The following GABBR2 variants were observed in gnomAD, a reference collection of about 807,000 sequenced individuals.
The protein encoded by GABBR2 is G-protein coupled receptor 51.
A neutral mutation model predicts 105.6 loss-of-function variants in GABBR2; 23 were observed. The ratio of observed to expected loss-of-function variants is 0.22; its 90% CI spans 0.16 to 0.31. The LOEUF is 0.31. Among genes scored for constraint, GABBR2 ranks in the 10% least tolerant of loss-of-function variants. GABBR2 has a pLI of 1.00. For missense variants in GABBR2, 734 were observed against 1,245.5 expected, an observed-to-expected ratio of 0.59 and a Z score of 6.18; for synonymous variants, 478 against 499.7, an observed-to-expected ratio of 0.96 and a Z score of 0.58.
chr9:98,403,757 ATAT>A (rs1317610340), intron 8 of GABBR2, among the ~76,000 whole-genome samples: 2,151 of 129,282 alleles, frequency 0.017, 24 homozygotes, highest in African/African-American at 0.028. Flanking sequence ...AAAAAAAAAA[ATAT>A]ATATATATAT....
At chr9:98,648,120 G>GTGTGTGTGTGTGT (rs1564140811) in intron 1 of GABBR2, among the ~76,000 whole-genome samples, 52 of 39,892 alleles carry the variant, frequency 1.3e-3, no homozygotes, top group Non-Finnish European at 1.9e-3. Flanking sequence ...TGTGTGTATA[G>GTGTGTGTGTGTGT]ATAGATAGAT....
Position 98,362,837 on chromosome 9 carries a change from T to C in GABBR2, c.1771A>G (p.Ile591Val). Residue 591 changes from isoleucine (I) to valine (V), a missense_variant and splice_region_variant, in exon 13 of 19, where the codon ATC (isoleucine) becomes GTC (valine). Transcript: ENST00000259455. The part of the protein sequence containing the change: ...IFKNVKMKKK[I>V]IKDQKLLVIV... ...ACAAGCAGTTTCTGGTCCTTGATGA[T>C]CTACAGAGCGGGAAGGAGCAGAGGG... The C allele has an allele frequency of 1.9e-6, 3 of 1,578,030 alleles. No homozygotes were observed. Among genetic ancestry groups the C allele is most frequent in the Non-Finnish European group, 2.6e-6 (3 of 1,163,620 alleles).
At chr9:98,476,592 A>C (rs1472049475) in intron 5 of GABBR2, among the ~76,000 whole-genome samples, 2 of 152,194 alleles carry the variant, frequency 1.3e-5, no homozygotes, top group Non-Finnish European at 2.9e-5. Context: ...GAAACATTTT[A>C]GCTGCCCCTT....
intron 1 of GABBR2, among the ~76,000 whole-genome samples, chr9:98,647,744 C>A (rs1428898115): frequency 2.0e-5 from 3 of 152,186 alleles, no homozygotes; most frequent in Non-Finnish European, 4.4e-5. Context: ...GTAATAAGCT[C>A]TCTGATCCCA....
chr9:98,403,911 G>A (rs941579231), intron 8 of GABBR2, among the ~76,000 whole-genome samples: 7 of 152,108 alleles, frequency 4.6e-5, no homozygotes, highest in East Asian at 1.9e-4. Context: ...AGGCGAAGTC[G>A]CTTGCCTGAA....
chr9:98,603,636 C>A (rs916253971), intron 1 of GABBR2, among the ~76,000 whole-genome samples: 1 of 152,190 alleles, frequency 6.6e-6, no homozygotes, highest in Admixed American at 6.5e-5. Flanking sequence ...TCAGGCTCCA[C>A]CAGTGCACTA....
chr9:98,453,134 C>A (rs1826261729), intron 7 of GABBR2, among the ~76,000 whole-genome samples: 1 of 152,214 alleles, frequency 6.6e-6, no homozygotes, highest in Non-Finnish European at 1.5e-5. Flanking sequence ...TCAAGCGATT[C>A]TCCTGCCTCA....
In GABBR2 at chr9:98,645,968, A is replaced by G. The variant is rs568001205; in HGVS notation, c.321+62449T>C. On this transcript the variant is annotated intron_variant, in intron 1 of 18. Coordinates refer to ENST00000259455, the MANE Select transcript of GABBR2 (RefSeq NM_005458.8). ...ACAAAGTGTAAATAACTTGCCCACA[A>G]TTACCTAGCAAACAGCAGGCCAGGA... Among the ~76,000 whole-genome samples, 12 of 152,360 alleles carry G rather than the reference A, an allele frequency of 7.9e-5. No homozygotes were observed. In the South Asian group the frequency reaches 2.5e-3, roughly 32 times the overall value.
chr9:98,621,308 C>T (rs1454185742), intron 1 of GABBR2, among the ~76,000 whole-genome samples: 3 of 152,192 alleles, frequency 2.0e-5, no homozygotes, highest in Non-Finnish European at 4.4e-5. Flanking sequence ...ACTGCCATCC[C>T]ACCCTCCAGT....
rs1460303829 is a variant in GABBR2, at chr9:98,388,648, TGTGTGTGTGTGTGCGTGC to T, written c.1529+188_1529+205del. 6.7e-6 allele frequency among the ~76,000 whole-genome samples: 1 copy of T among 150,326 alleles called. No individual in the cohort carries two copies. Among genetic ancestry groups the T allele is most frequent in the Non-Finnish European group, 1.5e-5 (1 of 67,848 alleles). ...GTGTGTGTGTGTGTGTGTGTGTGTG[TGTGTGTGTGTGTGCGTGC>T]ACGCACACACACGTACTCACATGCA... On this transcript the variant is annotated intron_variant, in intron 10 of 18. Transcript: ENST00000259455. This position sits in a 1 kb window ranked among gnomAD's most constrained non-coding sequence, Gnocchi z 4.4.
chr9:98,461,645 C>A (rs578194074), intron 6 of GABBR2, among the ~76,000 whole-genome samples: 16 of 152,238 alleles, frequency 1.1e-4, no homozygotes, highest in African/African-American at 3.6e-4. Flanking sequence ...TCTTCACGAG[C>A]ATGGGTGGGT....
intron 13 of GABBR2, among the ~76,000 whole-genome samples, chr9:98,325,927 A>G (rs1830914559): frequency 6.6e-6 from 1 of 152,162 alleles, no homozygotes; most frequent in Non-Finnish European, 1.5e-5. Context: ...CATGCATCCT[A>G]TGATTCAGAA....
At chr9:98,406,050 A>C (rs1412875645) in intron 8 of GABBR2, 31 bp downstream of exon 8, 1 of 1,188,098 alleles carries the variant, frequency 8.4e-7, no homozygotes, top group Non-Finnish European at 1.3e-6. Context: ...AAATTTTATC[A>C]GCTAGAAAGA....
intron 4 of GABBR2, among the ~76,000 whole-genome samples, chr9:98,481,813 A>G (rs1203125423): frequency 1.3e-5 from 2 of 152,198 alleles, no homozygotes; most frequent in African/African-American, 4.8e-5. Flanking sequence ...AGCTCTATAC[A>G]TGGGATTACA....
intron 1 of GABBR2, among the ~76,000 whole-genome samples, chr9:98,646,480 T>C (rs1440853600): frequency 6.6e-6 from 1 of 152,178 alleles, no homozygotes; most frequent in Non-Finnish European, 1.5e-5. Context: ...CCTATTCCCT[T>C]TGCGGATTCT....
chr9:98,430,412 C>A (rs1422897485), intron 7 of GABBR2, among the ~76,000 whole-genome samples: 3 of 151,938 alleles, frequency 2.0e-5, no homozygotes, highest in Non-Finnish European at 4.4e-5. Flanking sequence ...TAGGTGGGAC[C>A]AGAGCTGCCT....
At chr9:98,641,129 G>GTTT (rs34931575) in intron 1 of GABBR2, among the ~76,000 whole-genome samples, 5 of 125,238 alleles carry the variant, frequency 4.0e-5, no homozygotes, top group Non-Finnish European at 3.5e-5. Flanking sequence ...CTGTGGTTTG[G>GTTT]TTTTTTTTTT....
rs548790513 is a variant in GABBR2 at position 98,621,574 on chromosome 9, A to G, written c.322-43502T>C. On this transcript the variant is annotated intron_variant, in intron 1 of 18. Coordinates refer to ENST00000259455, the MANE Select transcript of GABBR2 (RefSeq NM_005458.8). ...CAGACTGAAAGCAGCCACTGCTGCT[A>G]TCAGACTCTGTGGGCCTACTAAGGG... 3.9e-5 allele frequency among the ~76,000 whole-genome samples: 6 copies of G among 152,352 alleles called. No individual in the cohort carries two copies. The South Asian group carries it at 1.0e-3, about 26-fold the overall frequency.
intron 7 of GABBR2, among the ~76,000 whole-genome samples, chr9:98,446,024 G>T (rs528524637): frequency 6.6e-6 from 1 of 152,340 alleles, no homozygotes; most frequent in East Asian, 1.9e-4. Context: ...TCCCTAGAGT[G>T]AATGGCCACA....
Sources: gnomAD v4.1 joint callset for allele counts (sites outside exome capture counted in the v4.1 genomes callset) on GRCh38, gnomAD v4.1.1 for gene constraint, Gnocchi (gnomAD v3.1) non-coding constraint, MANE v1.5 for transcripts, NCBI Gene and HGNC (gene_info 2026-07-23, HGNC 2026-07-21) for gene names.